Variants in MDN1 observed in about 807,000 individuals in gnomAD.
The protein encoded by MDN1 is midasin.
In MDN1, 266 loss-of-function variants were observed where a neutral mutation model predicts 669.2. The observed-to-expected ratio is 0.40, with a 90% CI of 0.36 to 0.44. MDN1 has a LOEUF of 0.44. MDN1 is among the 20% of genes least tolerant of loss of function. The pLI, the probability that MDN1 is intolerant of heterozygous loss-of-function variation, is 1.00. For missense variants in MDN1, 5,940 were observed against 6,754.0 expected (o/e 0.88, Z 4.22); for synonymous variants, 2,385 against 2,457.1 (o/e 0.97, Z 0.87).
At chr6:89,776,753 G>C (rs1818376624) in intron 11 of MDN1, 58 bp from the exon 12 acceptor site, 3 of 1,219,960 alleles carry the variant, frequency 2.5e-6, no homozygotes, top group Admixed American at 4.9e-5. Context: ...ATTAATCACA[G>C]AACATCATTT....
At position 89,650,177 on chromosome 6, in the gene MDN1, T is replaced by A. The variant is rs773243613; in HGVS notation, c.16053A>T (p.Lys5351Asn). Residue 5351 changes from lysine (K) to asparagine (N), a missense_variant, in exon 97 of 102, where the codon AAA (lysine) becomes AAT (asparagine). By Grantham distance (94) the Lys-to-Asn change is moderately conservative. This residue lies in a region of MDN1 where 2,280 missense variants were observed against 2,576.3 expected (regional missense o/e 0.88). Coordinates refer to ENST00000369393, the MANE Select transcript of MDN1 (RefSeq NM_014611.3). ...AKLKGDYRTG[K>N]RLNIRKVIPY... ...GAATGACTTTCCGTATGTTTAGTCG[T>A]TTCCCAGTTCGATAGTCTCCTCTAT... is the stretch of plus-strand genomic sequence containing the variant. The A allele has an allele frequency of 1.1e-5, 18 of 1,614,068 alleles. No individual in the cohort carries two copies. The highest frequency in any genetic ancestry group is 3.3e-5 in the Admixed American group (2 of 60,004).
chr6:89,656,627 T>A (rs781343454), intron 91 of MDN1, 73 bp downstream of exon 91: 491 of 1,012,214 alleles, frequency 4.9e-4, no homozygotes, highest in Non-Finnish European at 6.1e-4. Context: ...TTTTTTTTTT[T>A]AAAGCACTAC....
Position 89,644,273 on chromosome 6 carries a change from GCTAA to G in MDN1, c.16603-84_16603-81del. On this transcript the variant is annotated intron_variant, in intron 101 of 101. Coordinates refer to ENST00000369393, the MANE Select transcript of MDN1 (RefSeq NM_014611.3). ...AGCTAGCTCTTCTGTGATCTCTTTT[GCTAA>G]CTTTTACATCTCCTGTGTCTTATTC... 2.4e-6 allele frequency: 3 copies of G among 1,228,526 alleles called. No homozygotes were observed. The East Asian group carries it at 7.2e-5, about 29-fold the overall frequency. 76.1% of individuals were successfully genotyped at this position (1,228,526 alleles called of 1,614,324 possible). A position where few individuals can be genotyped will look rare whatever the true frequency, so the allele number is the denominator to read the frequency against.
At chr6:89,745,797 C>T (rs763604171) in intron 27 of MDN1, among the ~76,000 whole-genome samples, 171 bp from the exon 28 acceptor site, 2 of 152,152 alleles carry the variant, frequency 1.3e-5, no homozygotes, top group Non-Finnish European at 2.9e-5. Flanking sequence ...CCCTATGCCT[C>T]AGCAATATGA....
chr6:89,702,202 C>T, intron 53 of MDN1, 141 bp from the exon 54 acceptor site: 1 of 746,168 alleles, frequency 1.3e-6, no homozygotes, highest in African/African-American at 1.8e-5. Flanking sequence ...CTAATCAATG[C>T]TCAATTTACA....
At chr6:89,764,998 C>T (rs1337419204) in intron 15 of MDN1, among the ~76,000 whole-genome samples, 3 of 152,048 alleles carry the variant, frequency 2.0e-5, no homozygotes, top group Non-Finnish European at 4.4e-5. Flanking sequence ...GTGGCTCACG[C>T]GGTGGCCCAG....
At position 89,650,145 on chromosome 6, in the gene MDN1, A is replaced by G. The variant is rs1446680538; in HGVS notation, c.16085T>C (p.Ile5362Thr). Residue 5362 changes from isoleucine (I) to threonine (T), a missense_variant, in exon 97 of 102, where the codon ATT (isoleucine) becomes ACT (threonine). This residue lies in a region of MDN1 where 2,280 missense variants were observed against 2,576.3 expected (regional missense o/e 0.88). Coordinates refer to ENST00000369393, the MANE Select transcript of MDN1 (RefSeq NM_014611.3). ...RLNIRKVIPY[I>T]ASQFRKDKIW... ...CTTGTCTTTCCGAAATTGACTAGCAATGTATGGAATGACTTTCCGTATGTT... is the reference window on the plus strand; with the variant it reads ...CTTGTCTTTCCGAAATTGACTAGCAGTGTATGGAATGACTTTCCGTATGTT... 2 of 1,614,210 alleles carry G rather than the reference A, an allele frequency of 1.2e-6. No individual in the cohort carries two copies. The highest frequency in any genetic ancestry group is 1.1e-5 in the South Asian group (1 of 91,082).
In MDN1 at chr6:89,781,600, A is replaced by C. The variant is rs1818676805; in HGVS notation, c.1450-8T>G. The C allele has an allele frequency of 6.5e-7, 1 of 1,549,778 alleles. No individual in the cohort carries two copies. Among genetic ancestry groups the C allele is most frequent in the South Asian group, 1.2e-5 (1 of 82,742 alleles). On this transcript the variant is annotated splice_region_variant and splice_polypyrimidine_tract_variant and intron_variant, in intron 9 of 101. Transcript: ENST00000369393. ...ATATCTGCTCTGAAGAACCTGACAGAGGGGGAAAAAAAAGAAAATTTAACA... is the reference window on the plus strand; with the variant it reads ...ATATCTGCTCTGAAGAACCTGACAGCGGGGGAAAAAAAAGAAAATTTAACA...
chr6:89,804,800 G>A (rs1767902447), intron 1 of MDN1, among the ~76,000 whole-genome samples: 1 of 152,044 alleles, frequency 6.6e-6, no homozygotes, highest in African/African-American at 2.4e-5. Flanking sequence ...GGGAGGCCGA[G>A]GCAGGCGGAT....
intron 70 of MDN1, 98 bp from the exon 71 acceptor site, chr6:89,685,083 T>C (rs1811915989): frequency 1.1e-5 from 8 of 697,804 alleles, no homozygotes; most frequent in Admixed American, 7.5e-5. Context: ...CCTTCCTCAT[T>C]ACTCTCTATG....
Position 89,753,576 on chromosome 6 carries a change from G to T in MDN1, c.3011C>A (p.Pro1004Gln). 6.2e-7 allele frequency: 1 copy of T among 1,613,938 alleles called. No homozygotes were observed. Among genetic ancestry groups the T allele is most frequent in the Non-Finnish European group, 8.5e-7 (1 of 1,179,814 alleles). The change falls in exon 22 of 102, where the codon CCA (proline) becomes CAA (glutamine). Residue 1004 changes from proline (P) to glutamine (Q), a missense_variant. Physicochemically the swap from Pro to Gln is moderately conservative, Grantham distance 76. Coordinates refer to ENST00000369393, the MANE Select transcript of MDN1 (RefSeq NM_014611.3). Reference sequence around the variant, plus strand: ...TTGACAGATGAGCTTCTGAACTATTGGGTGTGATGCCCTGTCAAGCTGTGT... The same window carrying T: ...TTGACAGATGAGCTTCTGAACTATTTGGTGTGATGCCCTGTCAAGCTGTGT... ...FLTQLDRASH[P>Q]IVQKLICQHI...
At chr6:89,803,814 C>T (rs1767824709) in intron 1 of MDN1, among the ~76,000 whole-genome samples, 1 of 151,432 alleles carries the variant, frequency 6.6e-6, no homozygotes, top group Non-Finnish European at 1.5e-5. Context: ...ATCTCCTGAC[C>T]TCGTGATCCG....
intron 15 of MDN1, among the ~76,000 whole-genome samples, chr6:89,769,939 T>C (rs1332553881): frequency 6.6e-6 from 1 of 151,920 alleles, no homozygotes; most frequent in Non-Finnish European, 1.5e-5. Flanking sequence ...AGATACAGAA[T>C]AGAGAGAAAT....
rs761068517 is a variant in MDN1 at position 89,677,615 on chromosome 6, T to C, written c.12494A>G (p.Gln4165Arg). The change falls in exon 76 of 102, where the codon CAG becomes CGG. Residue 4165 changes from glutamine to arginine, a missense_variant. By Grantham distance (43) the Gln-to-Arg change is conservative. Around this residue, in one of 5 missense-constraint regions of MDN1, gnomAD observed 2,280 missense variants for 2,576.3 expected, o/e 0.88. Transcript: ENST00000369393. Reference sequence around the variant, plus strand: ...GCTGCTGACGATGGACAATGCGCTCTGGAGATCTAATGGGTGAAGATGAAG... The same window carrying C: ...GCTGCTGACGATGGACAATGCGCTCCGGAGATCTAATGGGTGAAGATGAAG... The part of the protein sequence containing the change: ...EMLHLHPLDL[Q>R]SALSIVSSTQ... 3.4e-5 allele frequency: 55 copies of C among 1,614,106 alleles called. No individual in the cohort carries two copies. The South Asian group carries it at 5.6e-4, about 16-fold the overall frequency.
rs767808675 is a variant in MDN1 at position 89,794,636 on chromosome 6, C to T, written c.495G>A (p.Glu165=). Residue 165 remains glutamate (E), a synonymous_variant, in exon 3 of 102, where the codon GAG becomes GAA. Transcript: ENST00000369393. Reference sequence around the variant, plus strand: ...GGACACACACACTCCAGTCCCAGAGCTCCCGGAACACAGACTGCTCCTGCT... The same window carrying T: ...GGACACACACACTCCAGTCCCAGAGTTCCCGGAACACAGACTGCTCCTGCT... ...FLQQEQSVFR[E]LWDWSVCVPL... 3.7e-6 allele frequency: 6 copies of T among 1,613,968 alleles called. No individual in the cohort carries two copies. The East Asian group carries it at 1.1e-4, about 30-fold the overall frequency.
In MDN1 at chr6:89,674,316, A is replaced by G; in HGVS notation, c.13035T>C (p.Cys4345=). ...AAGGAATTAGGTCCAGCACTACTCC[A>G]CAAAGTTGTCCCTTGCTAAGTTCTG... ...EGPELSKGQL[C]GVVLDLIPSN... Residue 4345 remains cysteine (C), a synonymous_variant, in exon 79 of 102, where the codon TGT becomes TGC. Transcript: ENST00000369393. 6.2e-7 allele frequency: 1 copy of G among 1,614,232 alleles called. No homozygotes were observed. The highest frequency in any genetic ancestry group is 8.5e-7 in the Non-Finnish European group (1 of 1,180,030).
At chr6:89,658,443 G>T in intron 89 of MDN1, 73 bp from the exon 90 acceptor site, 1 of 1,588,512 alleles carries the variant, frequency 6.3e-7, no homozygotes. Context: ...CTTGCAACAA[G>T]CAGGCTTCCC....
chr6:89,730,431 T>C (rs1460870625), intron 35 of MDN1, among the ~76,000 whole-genome samples: 2 of 152,236 alleles, frequency 1.3e-5, no homozygotes, highest in Non-Finnish European at 2.9e-5. Context: ...TCAACATTAG[T>C]AGAGTTTAGA....
At chr6:89,739,072 G>T (rs747258609) in intron 32 of MDN1, among the ~76,000 whole-genome samples, 1 of 152,132 alleles carries the variant, frequency 6.6e-6, no homozygotes, top group Non-Finnish European at 1.5e-5. Flanking sequence ...TGATTACTTT[G>T]TAATTACTTT....
Sources: allele counts gnomAD v4.1 joint callset (sites outside exome capture counted in the v4.1 genomes callset), GRCh38; gene constraint gnomAD v4.1.1; regional missense constraint gnomAD v4.1.1; transcripts MANE v1.5; gene names NCBI Gene and HGNC (gene_info 2026-07-23, HGNC 2026-07-21).